The following ASXL2 variants were observed in gnomAD, a reference collection of about 807,000 sequenced individuals.
ASXL2 encodes the protein putative Polycomb group protein ASXL2.
In ASXL2, 23 loss-of-function variants were observed where a neutral mutation model predicts 122.0. The observed-to-expected ratio is 0.19, with a 90% CI of 0.14 to 0.27. ASXL2 has a LOEUF of 0.27. Ranked by LOEUF, ASXL2 falls within the 10% of genes least tolerant of loss-of-function variation. The pLI is 1.00. For missense variants in ASXL2, 1,518 were observed against 1,713.8 expected (o/e 0.89, Z 2.02); for synonymous variants, 650 against 637.0 (o/e 1.02, Z -0.31).
Position 25,843,172 on chromosome 2 carries a change from G to A in ASXL2, c.140+2309C>T, listed in dbSNP as rs184894490. Among the ~76,000 whole-genome samples, 170 of 151,992 alleles carry A rather than the reference G, an allele frequency of 1.1e-3. 1 individual carries two copies. The highest frequency in any genetic ancestry group is 2.1e-3 in the Non-Finnish European group (143 of 67,968). On this transcript the variant is annotated intron_variant, in intron 2 of 12. Coordinates refer to ENST00000435504, the MANE Select transcript of ASXL2 (RefSeq NM_018263.6). ...AAAACATTAGCCAGGCATGGTGGCA[G>A]GTGCCTGTAGTCCCAGCTACTCGGG...
Position 25,741,188 on chromosome 2 carries a change from A to C in ASXL2, c.*841T>G, listed in dbSNP as rs915998253. 1.3e-5 allele frequency: 3 copies of C among 222,934 alleles called. No homozygotes were observed. Among genetic ancestry groups the C allele is most frequent in the African/African-American group, 6.7e-5 (3 of 44,776 alleles). 13.8% of individuals were successfully genotyped at this position (222,934 alleles called of 1,614,324 possible). A position where few individuals can be genotyped will look rare whatever the true frequency, so the allele number is the denominator to read the frequency against. On this transcript the variant is annotated 3_prime_UTR_variant, in exon 13 of 13. Transcript: ENST00000435504. ...AATTGTTAGTTACCACGAATGACTA[A>C]GTGCGGGGATAGGGTATTTTTGCTG... is the stretch of plus-strand genomic sequence containing the variant.
intron 8 of ASXL2, among the ~76,000 whole-genome samples, chr2:25,767,107 A>G (rs558789269): frequency 5.3e-5 from 8 of 152,224 alleles, no homozygotes; most frequent in Admixed American, 3.9e-4. Flanking sequence ...GATCTTTTGT[A>G]TTTCTATATT....
intron 2 of ASXL2, among the ~76,000 whole-genome samples, chr2:25,836,406 T>A (rs2089510710): frequency 6.6e-6 from 1 of 152,168 alleles, no homozygotes; most frequent in Admixed American, 6.6e-5. Flanking sequence ...TCTGCAGGGA[T>A]AAGGATTTCT....
At chr2:25,843,814 T>TAAAAAAAAAAAAAAAAAAA (rs541446675) in intron 2 of ASXL2, among the ~76,000 whole-genome samples, 2 of 86,516 alleles carry the variant, frequency 2.3e-5, no homozygotes, top group South Asian at 3.8e-4. Context: ...CTCCATCTCT[T>TAAAAAAAAAAAAAAAAAAA]AAAAAAAAAA....
chr2:25,877,366 A>C (rs191576351), intron 1 of ASXL2, among the ~76,000 whole-genome samples: 9 of 152,224 alleles, frequency 5.9e-5, no homozygotes, highest in African/African-American at 2.2e-4. Flanking sequence ...CTAATCCTCA[A>C]TATTCCACTT....
At chr2:25,841,331 G>T (rs953753907) in intron 2 of ASXL2, among the ~76,000 whole-genome samples, 1 of 152,126 alleles carries the variant, frequency 6.6e-6, no homozygotes, top group Admixed American at 6.5e-5. Context: ...TCACGGCAGC[G>T]AGAGAATAAT....
intron 1 of ASXL2, among the ~76,000 whole-genome samples, chr2:25,853,056 G>A (rs1192062220): frequency 6.6e-6 from 1 of 152,102 alleles, no homozygotes; most frequent in Non-Finnish European, 1.5e-5. Flanking sequence ...CCAGCATAAG[G>A]GAGACCCAAA....
In ASXL2 at chr2:25,742,620, C is replaced by G. The variant is rs771378952; in HGVS notation, c.3717G>C (p.Glu1239Asp). The part of the protein sequence containing the change: ...KNVKAEIPLN[E>D]QTTLSKENYL... ...AATTCTCCTTACTTAAAGTGGTTTGCTCATTCAATGGTATCTCAGCCTTCA... is the reference window on the plus strand; with the variant it reads ...AATTCTCCTTACTTAAAGTGGTTTGGTCATTCAATGGTATCTCAGCCTTCA... Residue 1239 changes from glutamate to aspartate, a missense_variant, in exon 13 of 13, where the codon GAG becomes GAC. Transcript: ENST00000435504. The G allele has an allele frequency of 3.7e-6, 6 of 1,613,830 alleles. No homozygotes were observed. Among genetic ancestry groups the G allele is most frequent in the Non-Finnish European group, 5.1e-6 (6 of 1,179,898 alleles).
chr2:25,846,893 G>C (rs2089656442), intron 1 of ASXL2, among the ~76,000 whole-genome samples: 1 of 152,116 alleles, frequency 6.6e-6, no homozygotes, highest in Non-Finnish European at 1.5e-5. Flanking sequence ...CAAGACAAAA[G>C]ACAAGCTATA....
chr2:25,878,098 CCCTGCGACTGG>C (rs2090025104), intron 1 of ASXL2, 57 bp downstream of exon 1: 1 of 1,594,132 alleles, frequency 6.3e-7, no homozygotes, highest in Non-Finnish European at 8.6e-7. Flanking sequence ...ACCTCCCTTT[CCCTGCGACTGG>C]CGGGCGACAA....
At chr2:25,747,295 G>A (rs959219357) in intron 12 of ASXL2, among the ~76,000 whole-genome samples, 5 of 151,798 alleles carry the variant, frequency 3.3e-5, no homozygotes, top group African/African-American at 4.8e-5. Flanking sequence ...TTGTAACTAA[G>A]TTATAACATT....
chr2:25,843,765 G>A (rs1223154614), intron 2 of ASXL2, among the ~76,000 whole-genome samples: 1 of 135,750 alleles, frequency 7.4e-6, no homozygotes, highest in Non-Finnish European at 1.5e-5. Context: ...TCATGGCTGT[G>A]AACAGCCACT....
intron 1 of ASXL2, among the ~76,000 whole-genome samples, chr2:25,871,239 G>T (rs1479719944): frequency 6.6e-6 from 1 of 152,238 alleles, no homozygotes; most frequent in Non-Finnish European, 1.5e-5. Flanking sequence ...GACAAAGATA[G>T]CAAGTTTAGT....
At position 25,742,188 on chromosome 2, in the gene ASXL2, A is replaced by G; in HGVS notation, c.4149T>C (p.Pro1383=). 1 of 1,614,018 alleles carries G rather than the reference A, an allele frequency of 6.2e-7. No homozygotes were observed. Among genetic ancestry groups the G allele is most frequent in the Non-Finnish European group, 8.5e-7 (1 of 1,179,902 alleles). The change falls in exon 13 of 13, where the codon CCT becomes CCC. Residue 1383 remains proline (P), a synonymous_variant. Transcript: ENST00000435504. ...TGTTCTCTTCGGAGAACGCCTGAACAGGAATGGTCTGGCCATGGCTGCTGG... is the reference window on the plus strand; with the variant it reads ...TGTTCTCTTCGGAGAACGCCTGAACGGGAATGGTCTGGCCATGGCTGCTGG... The part of the protein sequence containing the change: ...MNPSSHGQTI[P]VQAFSEENSI...
intron 5 of ASXL2, 98 bp from the exon 6 acceptor site, chr2:25,771,638 T>C (rs552082068): frequency 6.4e-6 from 6 of 939,048 alleles, no homozygotes; most frequent in African/African-American, 1.7e-5. Flanking sequence ...GTAAGAACTA[T>C]GACCAAACAC....
At chr2:25,767,857 T>G in intron 7 of ASXL2, 131 bp from the exon 8 acceptor site, 1 of 1,052,572 alleles carries the variant, frequency 9.5e-7, no homozygotes, top group East Asian at 2.5e-5. Flanking sequence ...GTGTTTTGAG[T>G]TTGAAAATTA....
chr2:25,816,457 C>T (rs1170749642), intron 3 of ASXL2, among the ~76,000 whole-genome samples: 1 of 152,030 alleles, frequency 6.6e-6, no homozygotes, highest in African/African-American at 2.4e-5. Flanking sequence ...TTGATTTGAT[C>T]AATGAAATAA....
In ASXL2 at chr2:25,795,377, A is replaced by G. The variant is rs895633419; in HGVS notation, c.403+4008T>C. Among the ~76,000 whole-genome samples, 5 of 152,216 alleles carry G rather than the reference A, an allele frequency of 3.3e-5. No homozygotes were observed. In the East Asian group the frequency reaches 9.6e-4, roughly 29 times the overall value. On this transcript the variant is annotated intron_variant, in intron 5 of 12. Transcript: ENST00000435504. ...TCTTCTATTATTATGCAGAGTGTGG[A>G]GCAAGGTTATGTTATTCATATCTAC...
chr2:25,811,358 CAT>C (rs1363952425), intron 3 of ASXL2, among the ~76,000 whole-genome samples: 1 of 151,484 alleles, frequency 6.6e-6, no homozygotes, highest in Admixed American at 6.6e-5. Context: ...ACCAAAGAAA[CAT>C]ATTGACTGTA....
Sources: allele counts gnomAD v4.1 joint callset (sites outside exome capture counted in the v4.1 genomes callset), GRCh38; gene constraint gnomAD v4.1.1; transcripts MANE v1.5; gene names NCBI Gene and HGNC (gene_info 2026-07-23, HGNC 2026-07-21).